Variants in SEMA6D observed in about 807,000 individuals in gnomAD.
SEMA6D encodes the protein semaphorin 6D, also known as semaphorin-6D.
A neutral mutation model predicts 106.6 loss-of-function variants in SEMA6D; 35 were observed. That is an observed-to-expected ratio of 0.33 (90% CI 0.25 to 0.44). The LOEUF is 0.44. SEMA6D is among the 20% of genes least tolerant of loss of function. SEMA6D has a pLI of 1.00. For synonymous variants in SEMA6D, 499 were observed against 487.7 expected (o/e 1.02, Z -0.31); for missense variants, 1,185 against 1,345.9 (o/e 0.88, Z 1.87).
intron 2 of SEMA6D, among the ~76,000 whole-genome samples, chr15:47,433,279 T>C (rs1402686235): frequency 6.6e-6 from 1 of 152,054 alleles, no homozygotes; most frequent in Non-Finnish European, 1.5e-5. Flanking sequence ...ACTGGAATAC[T>C]AATAAAAGGT....
chr15:47,318,952 T>C (rs922196504), intron 1 of SEMA6D, among the ~76,000 whole-genome samples: 1 of 152,166 alleles, frequency 6.6e-6, no homozygotes, highest in Non-Finnish European at 1.5e-5. Flanking sequence ...ATTTTAATGA[T>C]TGCCATTCTA....
intron 3 of SEMA6D, among the ~76,000 whole-genome samples, chr15:47,471,014 C>T (rs1016864211): frequency 6.6e-6 from 1 of 152,090 alleles, no homozygotes; most frequent in Non-Finnish European, 1.5e-5. Context: ...CACAGGAAGG[C>T]AAGTTGCATG....
intron 3 of SEMA6D, chr15:47,527,781 T>G (rs1256740038): frequency 6.6e-6 from 1 of 152,090 alleles, no homozygotes; most frequent in South Asian, 2.1e-4. Flanking sequence ...TTCATGAAAA[T>G]TTCTGTAAAA....
chr15:47,507,483 G>T (rs2044087755), intron 3 of SEMA6D, among the ~76,000 whole-genome samples: 1 of 152,116 alleles, frequency 6.6e-6, no homozygotes, highest in African/African-American at 2.4e-5. Flanking sequence ...AAAAGGCAGT[G>T]CATTGAAACC....
intron 1 of SEMA6D, among the ~76,000 whole-genome samples, chr15:47,735,329 C>T (rs1444625585): frequency 1.3e-5 from 2 of 152,118 alleles, no homozygotes; most frequent in African/African-American, 4.8e-5. Context: ...TCTCCAGTGA[C>T]CCAGACTCTC....
chr15:47,649,768 T>C (rs1341821765), intron 4 of SEMA6D, among the ~76,000 whole-genome samples: 1 of 152,244 alleles, frequency 6.6e-6, no homozygotes, highest in Non-Finnish European at 1.5e-5. Flanking sequence ...AATTTCATAA[T>C]AGAAGCCAAA....
At chr15:47,539,681 C>T (rs2045295843) in intron 3 of SEMA6D, among the ~76,000 whole-genome samples, 2 of 152,242 alleles carry the variant, frequency 1.3e-5, no homozygotes, top group East Asian at 1.9e-4. Context: ...CCTTCGCCTC[C>T]CAACTGGCTG....
intron 1 of SEMA6D, among the ~76,000 whole-genome samples, chr15:47,392,941 T>C (rs964940719): frequency 6.6e-6 from 1 of 152,208 alleles, no homozygotes; most frequent in Non-Finnish European, 1.5e-5. Context: ...AAGGATGTTA[T>C]TTAGTCCTGT....
intron 1 of SEMA6D, among the ~76,000 whole-genome samples, chr15:47,354,427 CTA>C (rs2038476152): frequency 6.9e-6 from 1 of 143,984 alleles, no homozygotes; most frequent in Non-Finnish European, 1.5e-5. Flanking sequence ...ATACATATAC[CTA>C]TATATATGGA....
At chr15:47,197,832 T>G (rs1009340162) in intron 1 of SEMA6D, among the ~76,000 whole-genome samples, 3 of 152,222 alleles carry the variant, frequency 2.0e-5, no homozygotes, top group Non-Finnish European at 4.4e-5. Context: ...TATGGAGTAC[T>G]CTAAGTATTA....
chr15:47,387,722 TTG>T (rs1287581811), intron 1 of SEMA6D, among the ~76,000 whole-genome samples: 1 of 152,184 alleles, frequency 6.6e-6, no homozygotes, highest in Non-Finnish European at 1.5e-5. Context: ...TGAGAAACTA[TTG>T]TGTGGTTAAC....
intron 2 of SEMA6D, among the ~76,000 whole-genome samples, chr15:47,426,294 T>A (rs1319163480): frequency 2.0e-5 from 3 of 152,158 alleles, no homozygotes; most frequent in African/African-American, 7.2e-5. Context: ...TGTACCACCA[T>A]GCATGGCTTT....
At chr15:47,216,435 A>G (rs183321304) in intron 1 of SEMA6D, among the ~76,000 whole-genome samples, 1,848 of 152,274 alleles carry the variant, frequency 0.012, 42 homozygotes, top group Admixed American at 0.012. Flanking sequence ...AACATTATAC[A>G]TGTTACACAT....
intron 1 of SEMA6D, among the ~76,000 whole-genome samples, chr15:47,323,750 A>G (rs1255625314): frequency 3.9e-5 from 6 of 152,188 alleles, no homozygotes; most frequent in African/African-American, 1.4e-4. Context: ...GCACATATTT[A>G]TGCTTTAAAG....
intron 3 of SEMA6D, among the ~76,000 whole-genome samples, chr15:47,538,139 G>A (rs773322642): frequency 6.6e-6 from 1 of 152,110 alleles, no homozygotes; most frequent in East Asian, 1.9e-4. Context: ...AGGACAGTGC[G>A]ATGAGATATT....
chr15:47,420,506 C>T (rs16959441), intron 2 of SEMA6D, among the ~76,000 whole-genome samples: 2,248 of 152,076 alleles, frequency 0.015, 62 homozygotes, highest in African/African-American at 0.052. Context: ...ATGCTAGTTG[C>T]CCCATAGTTT....
chr15:47,344,501 A>G (rs1470055960), intron 1 of SEMA6D, among the ~76,000 whole-genome samples: 1 of 152,184 alleles, frequency 6.6e-6, no homozygotes, highest in Non-Finnish European at 1.5e-5. Flanking sequence ...TTTCCAGGCC[A>G]CTATGCAGGG....
chr15:47,451,489 T>C (rs2042191074), intron 2 of SEMA6D, among the ~76,000 whole-genome samples: 1 of 151,988 alleles, frequency 6.6e-6, no homozygotes. Context: ...GAGATAAATA[T>C]AAGTGCTGGA....
chr15:47,579,636 C>T (rs574654876), intron 3 of SEMA6D, among the ~76,000 whole-genome samples: 26 of 152,244 alleles, frequency 1.7e-4, no homozygotes, highest in East Asian at 5.8e-4. Context: ...ATTCATTTTG[C>T]TTGGTAAGTG....
Sources: gnomAD v4.1 joint callset for allele counts (sites outside exome capture counted in the v4.1 genomes callset) on GRCh38, gnomAD v4.1.1 for gene constraint, MANE v1.5 for transcripts, NCBI Gene and HGNC (gene_info 2026-07-23, HGNC 2026-07-21) for gene names.